The following ABCC10 variants were observed in gnomAD, a reference collection of about 807,000 sequenced individuals.
ABCC10 encodes ATP-binding cassette sub-family C member 10.
Under a neutral mutation model 143.2 loss-of-function variants are expected in ABCC10, and 110 were observed. The ratio of observed to expected loss-of-function variants is 0.77; its 90% CI spans 0.66 to 0.90. ABCC10 has a LOEUF of 0.90. ABCC10 is among the 40% of genes least tolerant of loss of function. The pLI is 0.00. For missense variants in ABCC10, 1,700 were observed against 1,900.5 expected, an observed-to-expected ratio of 0.89 and a Z score of 1.96; for synonymous variants, 805 against 846.7, an observed-to-expected ratio of 0.95 and a Z score of 0.85.
At position 43,432,598 on chromosome 6, in the gene ABCC10, C is replaced by T. The variant is rs780041353; in HGVS notation, c.618C>T (p.Pro206=). The change falls in exon 3 of 22, where the codon CCC becomes CCT. Residue 206 remains proline, a synonymous_variant. Transcript: ENST00000372530. ...CCTGGGCTCAGGAGCCCCTCCTGCC[C>T]GAGGATCAAGAACCTGAGGTGGCTG... The part of the protein sequence containing the change: ...REPWAQEPLL[P]EDQEPEVAED... 6.2e-6 allele frequency: 10 copies of T among 1,613,704 alleles called. No individual in the cohort carries two copies. The highest frequency in any genetic ancestry group is 2.7e-5 in the African/African-American group (2 of 74,946).
At chr6:43,446,950 C>A in intron 16 of ABCC10, 2 of 908,080 alleles carry the variant, frequency 2.2e-6, no homozygotes, top group South Asian at 2.9e-5. Flanking sequence ...TGGGTTCAAG[C>A]AATTCTCCTG....
Position 43,441,888 on chromosome 6 carries a change from G to A in ABCC10, c.2154G>A (p.Glu718=), listed in dbSNP as rs1053808601. ...TCCTGCCTGCTGGAGACCAGACAGA[G>A]GTGGGGGAGAAGGGTGTCACCCTTA... ...LSILPAGDQT[E]VGEKGVTLSG... The change falls in exon 9 of 22, where the codon GAG becomes GAA. Residue 718 remains glutamate, a synonymous_variant. Coordinates refer to ENST00000372530, the MANE Select transcript of ABCC10 (RefSeq NM_001198934.2). The A allele has an allele frequency of 6.2e-7, 1 of 1,613,840 alleles. No homozygotes were observed. Among genetic ancestry groups the A allele is most frequent in the Non-Finnish European group, 8.5e-7 (1 of 1,179,874 alleles).
At position 43,428,152 on chromosome 6, in the gene ABCC10, G is replaced by T; in HGVS notation, c.161+13G>T. 6.6e-7 allele frequency: 1 copy of T among 1,518,072 alleles called. No homozygotes were observed. The highest frequency in any genetic ancestry group is 8.8e-7 in the Non-Finnish European group (1 of 1,133,572). The allele number at this position is 1,518,072 out of a possible 1,614,324, so 94.0% of individuals were successfully genotyped here. A position where few individuals can be genotyped will look rare whatever the true frequency, so the allele number is the denominator to read the frequency against. On this transcript the variant is annotated intron_variant, in intron 2 of 21. Coordinates refer to ENST00000372530, the MANE Select transcript of ABCC10 (RefSeq NM_001198934.2). Reference sequence around the variant, plus strand: ...TGGGCACCCCGAGGTGGGTAGAGACGGGCGCAAGGCATCTGTCCATGTGTG... The same window carrying T: ...TGGGCACCCCGAGGTGGGTAGAGACTGGCGCAAGGCATCTGTCCATGTGTG...
intron 2 of ABCC10, among the ~76,000 whole-genome samples, chr6:43,430,234 G>A (rs1389940982): frequency 6.6e-6 from 1 of 151,864 alleles, no homozygotes; most frequent in Non-Finnish European, 1.5e-5. Context: ...GAGACTACAG[G>A]CATGTGCCAC....
At position 43,445,108 on chromosome 6, in the gene ABCC10, C is replaced by T. The variant is rs1026023389; in HGVS notation, c.2841-17C>T. On this transcript the variant is annotated splice_polypyrimidine_tract_variant and intron_variant, in intron 13 of 21. Coordinates refer to ENST00000372530, the MANE Select transcript of ABCC10 (RefSeq NM_001198934.2). ...GCCCTAGTTTTGGTTACCGACAGCC[C>T]CCTCCTCACCACCCAGCATCCCAGT... 6.2e-7 allele frequency: 1 copy of T among 1,612,968 alleles called. No homozygotes were observed. The highest frequency in any genetic ancestry group is 1.7e-5 in the Admixed American group (1 of 59,982).
At chr6:43,442,908 T>C (rs1439299803) in intron 9 of ABCC10, 62 bp from the exon 10 acceptor site, 1 of 1,427,568 alleles carries the variant, frequency 7.0e-7, no homozygotes, top group Non-Finnish European at 9.4e-7. Context: ...TCTGATCACT[T>C]TGAGATCTTC....
At chr6:43,446,941 G>A in intron 16 of ABCC10, 2 of 953,152 alleles carry the variant, frequency 2.1e-6, no homozygotes, top group South Asian at 2.9e-5. Flanking sequence ...TCTGCCTCCT[G>A]GGTTCAAGCA....
chr6:43,438,390 T>G, intron 7 of ABCC10: 1 of 1,424,342 alleles, frequency 7.0e-7, no homozygotes, highest in Non-Finnish European at 9.1e-7. Flanking sequence ...CCTGAACAGA[T>G]GTAAGTACAA....
downstream of ABCC10, chr6:43,450,842 C>T (rs1188342263): frequency 6.2e-7 from 1 of 1,614,194 alleles, no homozygotes; most frequent in Non-Finnish European, 8.5e-7. The surrounding 1 kb of genome is among the most constrained non-coding windows in gnomAD (Gnocchi z 4.5). Flanking sequence ...GCAGACCAGC[C>T]CCTGCGCTGT....
At chr6:43,451,173 A>G, downstream of ABCC10, 1 of 1,613,994 alleles carries the variant, frequency 6.2e-7, no homozygotes, top group Non-Finnish European at 8.5e-7. The surrounding 1 kb of genome is among the most constrained non-coding windows in gnomAD (Gnocchi z 4.4). Flanking sequence ...ATCCACATTT[A>G]CCTCACAGCG....
In ABCC10 at chr6:43,428,112, T is replaced by C; in HGVS notation, c.134T>C (p.Leu45Pro). The C allele has an allele frequency of 6.5e-7, 1 of 1,546,672 alleles. No homozygotes were observed. Among genetic ancestry groups the C allele is most frequent in the South Asian group, 1.2e-5 (1 of 84,226 alleles). The stretch of plus-strand genomic sequence containing the variant: ...CTGCCCCACGCGCTCCTCGCCGTGC[T>C]CAGTGCCTGTTACTTGGGCACCCCG... ...SALPHALLAV[L>P]SACYLGTPRS... Residue 45 changes from leucine (L) to proline (P), a missense_variant, in exon 2 of 22, where the codon CTC becomes CCC. By Grantham distance (98) the Leu-to-Pro change is moderately conservative. Coordinates refer to ENST00000372530, the MANE Select transcript of ABCC10 (RefSeq NM_001198934.2).
intron 6 of ABCC10, among the ~76,000 whole-genome samples, 190 bp downstream of exon 6, chr6:43,436,437 A>G (rs1781732519): frequency 6.6e-6 from 1 of 152,142 alleles, no homozygotes; most frequent in Non-Finnish European, 1.5e-5. Flanking sequence ...ATCTCAGAAT[A>G]GTTGCACCTC....
intron 8 of ABCC10, 63 bp from the exon 9 acceptor site, chr6:43,441,799 G>C: frequency 7.3e-7 from 1 of 1,376,568 alleles, no homozygotes; most frequent in Middle Eastern, 2.4e-4. Context: ...CCTGCAAAGG[G>C]ATAGGAAGTG....
At position 43,449,082 on chromosome 6, in the gene ABCC10, T is replaced by A. The variant is rs762487494; in HGVS notation, c.4106-25T>A. 20 of 1,613,922 alleles carry A rather than the reference T, an allele frequency of 1.2e-5. No individual in the cohort carries two copies. The East Asian group carries it at 3.6e-4, about 29-fold the overall frequency. Reference sequence around the variant, plus strand: ...AAGGGAGCAGGGATGGCCTGGGCCCTGCAACGAAGATGCTTTCCTTGCAGG... The same window carrying A: ...AAGGGAGCAGGGATGGCCTGGGCCCAGCAACGAAGATGCTTTCCTTGCAGG... On this transcript the variant is annotated intron_variant, in intron 19 of 21. Coordinates refer to ENST00000372530, the MANE Select transcript of ABCC10 (RefSeq NM_001198934.2).
chr6:43,449,001 C>T lies in ABCC10; in HGVS notation c.4080C>T (p.His1360=), dbSNP rs752191434. The T allele has an allele frequency of 1.9e-6, 3 of 1,614,074 alleles. No homozygotes were observed. In the South Asian group the frequency reaches 3.3e-5, roughly 18 times the overall value. ...RALWQALKQC[H]LSEVITSMGG... ...TGTGGCAGGCCCTGAAGCAGTGCCA[C>T]CTGAGTGAGGTGATTACATCCATGG... is the stretch of plus-strand genomic sequence containing the variant. The change falls in exon 19 of 22, where the codon CAC becomes CAT. Residue 1360 remains histidine (H), a synonymous_variant. Transcript: ENST00000372530.
At position 43,432,952 on chromosome 6, in the gene ABCC10, G is replaced by C; in HGVS notation, c.972G>C (p.Leu324=). ...EEGQEPLSHG[L]LYALGLAGGA... ...GGCAGGAGCCACTAAGCCACGGCCT[G>C]CTCTATGCTCTGGGGCTAGCCGGTG... Residue 324 remains leucine, a synonymous_variant, in exon 3 of 22, where the codon CTG becomes CTC. Coordinates refer to ENST00000372530, the MANE Select transcript of ABCC10 (RefSeq NM_001198934.2). The C allele has an allele frequency of 2.5e-6, 4 of 1,614,180 alleles. No homozygotes were observed. The South Asian group carries it at 3.3e-5, about 13-fold the overall frequency.
At chr6:43,438,301 G>A in intron 7 of ABCC10, 1 of 1,354,326 alleles carries the variant, frequency 7.4e-7, no homozygotes, top group Non-Finnish European at 9.7e-7. Context: ...GGGATCCAGA[G>A]AGGAGCATAG....
At chr6:43,429,365 T>G (rs1221635259) in intron 2 of ABCC10, among the ~76,000 whole-genome samples, 4 of 129,404 alleles carry the variant, frequency 3.1e-5, no homozygotes, top group East Asian at 2.3e-4. Context: ...TTTCTTTCTT[T>G]TCTTTCTTGT....
At position 43,443,681 on chromosome 6, in the gene ABCC10, G is replaced by C. The variant is rs912009187; in HGVS notation, c.2417-252G>C. 1 of 467,276 alleles carries C rather than the reference G, an allele frequency of 2.1e-6. No homozygotes were observed. Among genetic ancestry groups the C allele is most frequent in the African/African-American group, 1.9e-5 (1 of 51,638 alleles). The allele number at this position is 467,276 out of a possible 1,614,324, so 28.9% of individuals were successfully genotyped here. A position where few individuals can be genotyped will look rare whatever the true frequency, so the allele number is the denominator to read the frequency against. ...GCGGTCCTCTTGGGGATGGACATTC[G>C]TCCCTCTCTGCTGGTCGGAATCAAG... On this transcript the variant is annotated intron_variant, in intron 10 of 21. Transcript: ENST00000372530. The surrounding 1 kb of genome is among the most constrained non-coding windows in gnomAD (Gnocchi z 4.2).
Sources: gnomAD v4.1 joint callset for allele counts (sites outside exome capture counted in the v4.1 genomes callset) on GRCh38, gnomAD v4.1.1 for gene constraint, Gnocchi (gnomAD v3.1) non-coding constraint, MANE v1.5 for transcripts, NCBI Gene and HGNC (gene_info 2026-07-23, HGNC 2026-07-21) for gene names.